Variants in TAF2 observed in about 807,000 individuals in gnomAD.
The protein encoded by TAF2 is TATA-box binding protein associated factor 2.
Under a neutral mutation model 138.5 loss-of-function variants are expected in TAF2, and 61 were observed. That is an observed-to-expected ratio of 0.44 (90% CI 0.36 to 0.54). The LOEUF (loss-of-function observed/expected upper bound fraction) is 0.54, where lower values mean the gene tolerates loss of function less well. Among genes scored for constraint, TAF2 ranks in the 20% least tolerant of loss-of-function variants. The probability of loss-of-function intolerance (pLI) is 0.00; values close to 1 mark genes in which losing one functional copy is unlikely to be tolerated. For synonymous variants in TAF2, 475 were observed against 469.9 expected, an observed-to-expected ratio of 1.01 and a Z score of -0.14; for missense variants, 1,090 against 1,427.9, an observed-to-expected ratio of 0.76 and a Z score of 3.81.
chr8:119,759,731 T>C (rs1412304489), intron 20 of TAF2, among the ~76,000 whole-genome samples: 1 of 152,168 alleles, frequency 6.6e-6, no homozygotes, highest in Admixed American at 6.5e-5. Flanking sequence ...CTGAAAATTA[T>C]CTTTGGGAGT....
intron 3 of TAF2, among the ~76,000 whole-genome samples, chr8:119,811,799 C>T (rs945269936): frequency 3.7e-5 from 5 of 134,958 alleles, no homozygotes; most frequent in South Asian, 2.4e-4. Flanking sequence ...GAGTGAGACT[C>T]CGTCTCAAAA....
At position 119,826,019 on chromosome 8, in the gene TAF2, G is replaced by T. The variant is rs185785345; in HGVS notation, c.138+5658C>A. 1.9e-3 allele frequency among the ~76,000 whole-genome samples: 296 copies of T among 151,936 alleles called. 2 individuals carry two copies. The highest frequency in any genetic ancestry group is 0.01 in the East Asian group (54 of 5,162). On this transcript the variant is annotated intron_variant, in intron 2 of 25. Coordinates refer to ENST00000378164, the MANE Select transcript of TAF2 (RefSeq NM_003184.4). ...GATGGTTTTAAAAACAGGAGTTTTTGCAAATACCACATGTTCTCACTCATA... is the reference window on the plus strand; with the variant it reads ...GATGGTTTTAAAAACAGGAGTTTTTTCAAATACCACATGTTCTCACTCATA...
rs1366995306 is a variant in TAF2 at position 119,793,269 on chromosome 8, A to C, written c.1277+97T>G. The C allele has an allele frequency of 2.9e-6, 3 of 1,048,658 alleles. No individual in the cohort carries two copies. In the African/African-American group the frequency reaches 4.8e-5, roughly 17 times the overall value. 65.0% of individuals were successfully genotyped at this position (1,048,658 alleles called of 1,614,324 possible). On this transcript the variant is annotated intron_variant, in intron 10 of 25. Transcript: ENST00000378164. ...ATAGCAATAAGAAAAAGGTTAAATA[A>C]ATTCTGAGGTACAATGAAATACTAT...
intron 25 of TAF2, among the ~76,000 whole-genome samples, chr8:119,733,995 G>A (rs960663456): frequency 1.3e-5 from 2 of 152,056 alleles, no homozygotes; most frequent in Admixed American, 6.6e-5. Flanking sequence ...GCCCCCAAAG[G>A]GTTACTTGGC....
intron 3 of TAF2, among the ~76,000 whole-genome samples, chr8:119,816,573 TAAAG>T (rs1444034297): frequency 6.6e-6 from 1 of 152,206 alleles, no homozygotes; most frequent in Admixed American, 6.5e-5. Flanking sequence ...ATTGGTTCAT[TAAAG>T]AAAGAAAGTT....
intron 18 of TAF2, among the ~76,000 whole-genome samples, chr8:119,771,627 C>T (rs1011010371): frequency 1.3e-5 from 2 of 152,110 alleles, no homozygotes; most frequent in African/African-American, 4.8e-5. Flanking sequence ...TATATACTGA[C>T]GAAGTTTAAA....
Position 119,788,921 on chromosome 8 carries a change from G to C in TAF2, c.1569-17C>G, listed in dbSNP as rs1191361429. The C allele has an allele frequency of 6.6e-7, 1 of 1,511,202 alleles. No homozygotes were observed. The highest frequency in any genetic ancestry group is 9.2e-7 in the Non-Finnish European group (1 of 1,086,426). The allele number at this position is 1,511,202 out of a possible 1,614,324, so 93.6% of individuals were successfully genotyped here. A position where few individuals can be genotyped will look rare whatever the true frequency, so the allele number is the denominator to read the frequency against. On this transcript the variant is annotated splice_polypyrimidine_tract_variant and intron_variant, in intron 12 of 25. Transcript: ENST00000378164. ...CTCTGATCTCTGAAGAATTGTAAAG[G>C]AAAGTTTACATACTGAAACGAATAT...
In TAF2 at chr8:119,795,513, G is replaced by A; in HGVS notation, c.1191+19C>T. Reference sequence around the variant, plus strand: ...GGACATAAGACTTGTAAGTGGATAAGGGATCTAGCTGTTATTACCTCTTTA... The same window carrying A: ...GGACATAAGACTTGTAAGTGGATAAAGGATCTAGCTGTTATTACCTCTTTA... On this transcript the variant is annotated intron_variant, in intron 9 of 25. Transcript: ENST00000378164. 1 of 1,588,012 alleles carries A rather than the reference G, an allele frequency of 6.3e-7. No individual in the cohort carries two copies. The highest frequency in any genetic ancestry group is 8.6e-7 in the Non-Finnish European group (1 of 1,156,556).
At chr8:119,797,567 G>T (rs1486252549) in intron 7 of TAF2, 95 bp downstream of exon 7, 51 of 1,327,826 alleles carry the variant, frequency 3.8e-5, no homozygotes, top group Non-Finnish European at 5.3e-5. Flanking sequence ...GCGGAAAAAA[G>T]TTCAAAGCTC....
At chr8:119,766,493 G>T (rs966420109) in intron 18 of TAF2, among the ~76,000 whole-genome samples, 2 of 152,180 alleles carry the variant, frequency 1.3e-5, no homozygotes, top group Admixed American at 6.5e-5. Context: ...GTCTATGGAA[G>T]TTCTGCTTAC....
At chr8:119,757,810 C>T (rs936829253) in intron 21 of TAF2, among the ~76,000 whole-genome samples, 2 of 151,894 alleles carry the variant, frequency 1.3e-5, no homozygotes, top group South Asian at 4.1e-4. Flanking sequence ...GCAAGAGAAT[C>T]GCTTGAACCC....
At chr8:119,763,661 C>T (rs911485486) in intron 18 of TAF2, among the ~76,000 whole-genome samples, 13 of 152,120 alleles carry the variant, frequency 8.5e-5, no homozygotes, top group African/African-American at 2.9e-4. Flanking sequence ...ACCCAGGAGA[C>T]GGAGGTTGCA....
chr8:119,822,464 C>A (rs954099341), intron 2 of TAF2, among the ~76,000 whole-genome samples: 1 of 152,016 alleles, frequency 6.6e-6, no homozygotes, highest in Non-Finnish European at 1.5e-5. Context: ...CCTCAAGTGA[C>A]CCTCCTATCT....
chr8:119,741,872 G>A (rs968639374), intron 25 of TAF2, among the ~76,000 whole-genome samples: 12 of 152,058 alleles, frequency 7.9e-5, no homozygotes, highest in African/African-American at 2.2e-4. Flanking sequence ...TTTGTTTCAC[G>A]GTAGTTCATC....
intron 8 of TAF2, 122 bp downstream of exon 8, chr8:119,796,868 T>C (rs1397637042): frequency 8.3e-6 from 6 of 721,048 alleles, no homozygotes; most frequent in Middle Eastern, 2.6e-4. Context: ...TAAATACATA[T>C]AGAACAGTGT....
At chr8:119,737,797 C>G (rs1010199172) in intron 25 of TAF2, among the ~76,000 whole-genome samples, 1 of 151,918 alleles carries the variant, frequency 6.6e-6, no homozygotes, top group Non-Finnish European at 1.5e-5. Context: ...CGTGAGCCAC[C>G]GTGCCTGGCC....
intron 3 of TAF2, among the ~76,000 whole-genome samples, chr8:119,812,797 CAT>C (rs1364978767): frequency 0.22 from 139 of 632 alleles, 1 homozygote; most frequent in African/African-American, 0.38. Context: ...TATATACACA[CAT>C]GTATACATAC....
intron 3 of TAF2, among the ~76,000 whole-genome samples, chr8:119,815,012 C>CAGGCATGATCTCGAACTCATGATTACA (rs1430988475): frequency 6.6e-6 from 1 of 151,658 alleles, no homozygotes; most frequent in Admixed American, 6.6e-5. Context: ...GAGGCCGAGG[C>CAGGCATGATCTCGAACTCATGATTACA]AGGCATGATC....
chr8:119,737,856 A>T (rs910375588), intron 25 of TAF2, among the ~76,000 whole-genome samples: 4 of 148,960 alleles, frequency 2.7e-5, no homozygotes, highest in Non-Finnish European at 5.9e-5. Flanking sequence ...CAATACCATG[A>T]AAGTGTTACA....
Sources: gnomAD v4.1 joint callset for allele counts (sites outside exome capture counted in the v4.1 genomes callset) on GRCh38, gnomAD v4.1.1 for gene constraint, MANE v1.5 for transcripts, NCBI Gene and HGNC (gene_info 2026-07-23, HGNC 2026-07-21) for gene names.